The following ANXA4 variants were observed in gnomAD, a reference collection of about 807,000 sequenced individuals.
ANXA4 encodes 35-beta calcimedin.
In ANXA4, 39 loss-of-function variants were observed where a neutral mutation model predicts 49.8. That is an observed-to-expected ratio of 0.78 (90% CI 0.61 to 1.02). The LOEUF (loss-of-function observed/expected upper bound fraction) is 1.02. ANXA4 is among the 50% of genes least tolerant of loss of function. The pLI is 0.00. For missense variants in ANXA4, 360 were observed against 410.1 expected, an observed-to-expected ratio of 0.88 and a Z score of 1.05; for synonymous variants, 134 against 152.5, an observed-to-expected ratio of 0.88 and a Z score of 0.89.
intron 2 of ANXA4, among the ~76,000 whole-genome samples, chr2:69,785,434 T>C (rs929626134): frequency 2.0e-5 from 3 of 152,196 alleles, no homozygotes; most frequent in African/African-American, 7.2e-5. Context: ...GTACAAATGC[T>C]CCATCCTAGA....
chr2:69,696,070 G>T (rs988141345), intron 2 of ANXA4, among the ~76,000 whole-genome samples: 1 of 152,106 alleles, frequency 6.6e-6, no homozygotes, highest in Non-Finnish European at 1.5e-5. Flanking sequence ...AATGAAATTT[G>T]CCGCATTTAT....
At chr2:69,656,187 A>T in intron 2 of ANXA4, among the ~76,000 whole-genome samples, 1 of 123,050 alleles carries the variant, frequency 8.1e-6, no homozygotes, top group East Asian at 3.3e-4. Context: ...AAATATATAT[A>T]CGTATATATA....
intron 1 of ANXA4, among the ~76,000 whole-genome samples, chr2:69,647,991 CAT>C (rs1175759990): frequency 2.0e-5 from 3 of 152,142 alleles, no homozygotes; most frequent in East Asian, 3.8e-4. Context: ...AGCAGATGAA[CAT>C]GTATGGTTTG....
intron 1 of ANXA4, among the ~76,000 whole-genome samples, chr2:69,775,328 AG>A (rs1187388985): frequency 6.6e-6 from 1 of 152,244 alleles, no homozygotes; most frequent in African/African-American, 2.4e-5. Context: ...ATAATAACCA[AG>A]GGACTGAATA....
intron 2 of ANXA4, among the ~76,000 whole-genome samples, chr2:69,657,284 G>A (rs935691919): frequency 2.0e-5 from 3 of 151,866 alleles, no homozygotes; most frequent in South Asian, 2.1e-4. Flanking sequence ...ATGAGCCACC[G>A]TGCCCAGCAC....
chr2:69,681,685 C>A (rs539798135), intron 2 of ANXA4, among the ~76,000 whole-genome samples: 1 of 152,142 alleles, frequency 6.6e-6, no homozygotes, highest in African/African-American at 2.4e-5. Flanking sequence ...GTTAGTCTAG[C>A]TAGCGATTTA....
intron 3 of ANXA4, among the ~76,000 whole-genome samples, chr2:69,736,031 T>TA (rs1670236058): frequency 6.6e-6 from 1 of 152,180 alleles, no homozygotes; most frequent in Admixed American, 6.6e-5. Flanking sequence ...CTGCTGTACT[T>TA]ATATACTCCA....
chr2:69,785,201 C>A (rs1672364093), intron 2 of ANXA4, among the ~76,000 whole-genome samples: 1 of 152,190 alleles, frequency 6.6e-6, no homozygotes, highest in African/African-American at 2.4e-5. Flanking sequence ...AAGGCCCGTG[C>A]CCTGGGTACC....
At chr2:69,673,361 T>C (rs113035547) in intron 2 of ANXA4, among the ~76,000 whole-genome samples, 9,717 of 152,082 alleles carry the variant, frequency 0.064, 1,016 homozygotes, top group East Asian at 0.36. Context: ...TACAGGGACA[T>C]GGATGAAGCT....
At chr2:69,758,180 T>C (rs1480653310) in intron 1 of ANXA4, among the ~76,000 whole-genome samples, 1 of 152,072 alleles carries the variant, frequency 6.6e-6, no homozygotes, top group Non-Finnish European at 1.5e-5. Context: ...GCCCAGGTAA[T>C]TTTTGTGTTT....
intron 3 of ANXA4, among the ~76,000 whole-genome samples, chr2:69,722,537 A>T (rs1456786915): frequency 6.6e-6 from 1 of 152,174 alleles, no homozygotes; most frequent in African/African-American, 2.4e-5. Flanking sequence ...ATATTATATG[A>T]TTCTACTTGT....
Position 69,757,441 on chromosome 2 carries a change from T to G in ANXA4, c.-47+15266T>G, listed in dbSNP as rs1457926478. 7.8e-5 allele frequency among the ~76,000 whole-genome samples: 9 copies of G among 115,546 alleles called. No individual in the cohort carries two copies. In the East Asian group the frequency reaches 8.7e-4, roughly 11 times the overall value. 75.8% of individuals were successfully genotyped at this position (115,546 alleles called of 152,430 possible). A position where few individuals can be genotyped will look rare whatever the true frequency, so the allele number is the denominator to read the frequency against. On this transcript the variant is annotated intron_variant, in intron 1 of 12. Coordinates refer to ENST00000394295, the MANE Select transcript of ANXA4 (RefSeq NM_001153.5). ...ACCTATCACCACGCCTAATTTTTTGTTTTTTTTTTTTTTAGTAGAGACAGG... is the reference window on the plus strand; with the variant it reads ...ACCTATCACCACGCCTAATTTTTTGGTTTTTTTTTTTTTAGTAGAGACAGG...
At chr2:69,643,828 C>G, upstream of ANXA4, 1 of 1,182,466 alleles carries the variant, frequency 8.5e-7, no homozygotes, top group Non-Finnish European at 1.0e-6. Context: ...CCCCTCGGGG[C>G]GGCGCGGCGA....
chr2:69,710,097 C>T (rs1473794273), intron 2 of ANXA4, among the ~76,000 whole-genome samples: 1 of 150,688 alleles, frequency 6.6e-6, no homozygotes, highest in African/African-American at 2.4e-5. Flanking sequence ...AAGCGATTCT[C>T]CTGCCTCAGC....
At chr2:69,757,240 A>ATG (rs1671075752) in intron 1 of ANXA4, among the ~76,000 whole-genome samples, 1 of 50,928 alleles carries the variant, frequency 2.0e-5, no homozygotes, top group African/African-American at 7.8e-5. Context: ...TTTTTGTTTT[A>ATG]TATATATATA....
At chr2:69,647,358 T>C (rs144687851) in intron 1 of ANXA4, among the ~76,000 whole-genome samples, 2 of 151,274 alleles carry the variant, frequency 1.3e-5, no homozygotes, top group Non-Finnish European at 2.9e-5. Flanking sequence ...TTAAAAAATA[T>C]ATATATATTG....
chr2:69,654,925 G>T (rs910451198), intron 2 of ANXA4, among the ~76,000 whole-genome samples: 5 of 152,166 alleles, frequency 3.3e-5, no homozygotes, highest in African/African-American at 1.2e-4. Context: ...AAGCAATGGG[G>T]AAAGGATTCC....
At chr2:69,657,415 T>C (rs1343722375) in intron 2 of ANXA4, among the ~76,000 whole-genome samples, 1 of 148,884 alleles carries the variant, frequency 6.7e-6, no homozygotes, top group Non-Finnish European at 1.5e-5. Context: ...AATACTGATA[T>C]TATAAAATAA....
At chr2:69,800,840 G>T (rs1006439861) in intron 3 of ANXA4, among the ~76,000 whole-genome samples, 1 of 152,192 alleles carries the variant, frequency 6.6e-6, no homozygotes, top group East Asian at 1.9e-4. Flanking sequence ...TATCAAGGAC[G>T]TAGACACACA....
Sources: gnomAD v4.1 joint callset for allele counts (sites outside exome capture counted in the v4.1 genomes callset) on GRCh38, gnomAD v4.1.1 for gene constraint, MANE v1.5 for transcripts, NCBI Gene and HGNC (gene_info 2026-07-23, HGNC 2026-07-21) for gene names.